The following ADSS2 variants were observed in gnomAD, a reference collection of about 807,000 sequenced individuals.
ADSS2 encodes adenylosuccinate synthase 2.
A neutral mutation model predicts 60.0 loss-of-function variants in ADSS2; 30 were observed. The ratio of observed to expected loss-of-function variants is 0.50; its 90% confidence interval spans 0.37 to 0.68. ADSS2 has a LOEUF of 0.68. Among genes scored for constraint, ADSS2 ranks in the 30% least tolerant of loss-of-function variants. ADSS2 has a pLI of 0.00. For synonymous variants in ADSS2, 187 were observed against 193.1 expected (o/e 0.97, Z 0.26); for missense variants, 373 against 554.8 (o/e 0.67, Z 3.29).
intron 4 of ADSS2, among the ~76,000 whole-genome samples, chr1:244,429,468 C>A (rs993925750): frequency 6.6e-6 from 1 of 152,130 alleles, no homozygotes; most frequent in Non-Finnish European, 1.5e-5. Context: ...ATGGTGACAG[C>A]GGGAGTCTCT....
At chr1:244,431,413 G>A (rs896768802) in intron 4 of ADSS2, among the ~76,000 whole-genome samples, 1 of 151,888 alleles carries the variant, frequency 6.6e-6, no homozygotes, top group African/African-American at 2.4e-5. Flanking sequence ...CTGGAAATAA[G>A]GTGTCTTTTA....
In ADSS2 at chr1:244,432,532, AT is replaced by A; in HGVS notation, c.406+12del. The A allele has an allele frequency of 1.3e-6, 2 of 1,541,708 alleles. No homozygotes were observed. On this transcript the variant is annotated intron_variant, in intron 4 of 12. Coordinates refer to ENST00000366535, the MANE Select transcript of ADSS2 (RefSeq NM_001126.5). The stretch of plus-strand genomic sequence containing the variant: ...AAAGATAGTTACAAATAAATGCAAT[AT>A]ATCCACCTTACCAATATGAGCTCTG...
At chr1:244,431,235 A>T (rs1664936916) in intron 4 of ADSS2, among the ~76,000 whole-genome samples, 1 of 152,250 alleles carries the variant, frequency 6.6e-6, no homozygotes, top group Non-Finnish European at 1.5e-5. Context: ...AAATATTTTT[A>T]AAATCAGAAG....
rs1008246741 is a variant in ADSS2, at chr1:244,450,710, T to C, written c.183+925A>G. Among the ~76,000 whole-genome samples the C allele has an allele frequency of 5.9e-5, 9 of 152,294 alleles. No individual in the cohort carries two copies. The South Asian group carries it at 1.5e-3, about 25-fold the overall frequency. On this transcript the variant is annotated intron_variant, in intron 1 of 12. Transcript: ENST00000366535. Reference sequence around the variant, plus strand: ...AACTGGAGAGAGTTATCTGAGAGCCTTTACAAAGGCCTTACCCTGTATGCT... The same window carrying C: ...AACTGGAGAGAGTTATCTGAGAGCCCTTACAAAGGCCTTACCCTGTATGCT...
Position 244,451,863 on chromosome 1 carries a change from G to T in ADSS2, c.-46C>A. ...AGCCCGAAGGAGAGGCGGCCGGCGA[G>T]GAGTGAGCGAACTGAACTGCTCTGC... On this transcript the variant is annotated 5_prime_UTR_variant, in exon 1 of 13. Coordinates refer to ENST00000366535, the MANE Select transcript of ADSS2 (RefSeq NM_001126.5). The surrounding 1 kb of genome is among the most constrained non-coding windows in gnomAD (Gnocchi z 6.6). The T allele has an allele frequency of 6.7e-7, 1 of 1,500,952 alleles. No individual in the cohort carries two copies. The highest frequency in any genetic ancestry group is 8.9e-7 in the Non-Finnish European group (1 of 1,126,744). 93.0% of individuals were successfully genotyped at this position (1,500,952 alleles called of 1,614,324 possible).
intron 1 of ADSS2, among the ~76,000 whole-genome samples, chr1:244,445,700 G>C (rs996209595): frequency 2.6e-5 from 4 of 151,766 alleles, no homozygotes; most frequent in Non-Finnish European, 5.9e-5. Context: ...TTACAAAAGT[G>C]ACTCTTGATT....
chr1:244,424,575 T>C (rs1572135058), intron 4 of ADSS2, 188 bp from the exon 5 acceptor site: 1 of 502,562 alleles, frequency 2.0e-6, no homozygotes, highest in East Asian at 3.1e-5. Context: ...AAATGTCTGA[T>C]CTTTCGTTCT....
At chr1:244,411,556 T>G in intron 11 of ADSS2, 120 bp from the exon 12 acceptor site, 1 of 1,023,506 alleles carries the variant, frequency 9.8e-7, no homozygotes, top group South Asian at 1.7e-5. Flanking sequence ...TGTTTTGGGA[T>G]TTAGAATTCT....
chr1:244,441,261 T>A (rs1159288292), intron 1 of ADSS2, among the ~76,000 whole-genome samples: 3 of 152,100 alleles, frequency 2.0e-5, no homozygotes. Flanking sequence ...GGTTTCACCA[T>A]GTTAGCCAGG....
intron 1 of ADSS2, among the ~76,000 whole-genome samples, chr1:244,441,265 A>G (rs371044727): frequency 1.7e-4 from 26 of 152,082 alleles, no homozygotes; most frequent in East Asian, 7.8e-4. Flanking sequence ...TCACCATGTT[A>G]GCCAGGATGG....
At chr1:244,422,146 A>C (rs546234563) in intron 7 of ADSS2, among the ~76,000 whole-genome samples, 1 of 152,310 alleles carries the variant, frequency 6.6e-6, no homozygotes, top group East Asian at 1.9e-4. Flanking sequence ...GTCTGCATTT[A>C]TTCTAGAATG....
chr1:244,416,697 C>T (rs1249788424), intron 10 of ADSS2, among the ~76,000 whole-genome samples: 1 of 152,128 alleles, frequency 6.6e-6, no homozygotes, highest in East Asian at 1.9e-4. Context: ...GCACTGTGGC[C>T]GTGGAACACA....
chr1:244,437,385 A>T (rs1665132154), intron 2 of ADSS2, among the ~76,000 whole-genome samples: 1 of 152,190 alleles, frequency 6.6e-6, no homozygotes, highest in Non-Finnish European at 1.5e-5. Flanking sequence ...AAGTATTTGG[A>T]AAACTGATTC....
intron 3 of ADSS2, among the ~76,000 whole-genome samples, chr1:244,434,095 C>T (rs2148005861): frequency 6.6e-6 from 1 of 150,768 alleles, no homozygotes; most frequent in East Asian, 2.0e-4. Context: ...ATAATCCTAG[C>T]ACTTTGGGTG....
At chr1:244,446,050 G>A (rs971282483) in intron 1 of ADSS2, among the ~76,000 whole-genome samples, 1 of 152,182 alleles carries the variant, frequency 6.6e-6, no homozygotes, top group Admixed American at 6.5e-5. Flanking sequence ...GAGCAGCAGT[G>A]TCTCAGATCC....
At chr1:244,448,631 T>C (rs1308527268) in intron 1 of ADSS2, among the ~76,000 whole-genome samples, 4 of 152,188 alleles carry the variant, frequency 2.6e-5, no homozygotes, top group African/African-American at 9.7e-5. Context: ...ACTACTATAG[T>C]TAAGAAGTTT....
At chr1:244,440,736 T>C (rs1208972348) in intron 1 of ADSS2, among the ~76,000 whole-genome samples, 1 of 152,204 alleles carries the variant, frequency 6.6e-6, no homozygotes, top group Non-Finnish European at 1.5e-5. Context: ...ATATATACTG[T>C]TTTATTTTAC....
intron 5 of ADSS2, 111 bp from the exon 6 acceptor site, chr1:244,424,171 T>C (rs1202652686): frequency 8.4e-7 from 1 of 1,192,294 alleles, no homozygotes; most frequent in African/African-American, 1.6e-5. Flanking sequence ...TTTATGTTAT[T>C]TCTTGCTAAG....
intron 4 of ADSS2, among the ~76,000 whole-genome samples, chr1:244,429,647 G>A (rs1664886850): frequency 6.6e-6 from 1 of 152,104 alleles, no homozygotes; most frequent in African/African-American, 2.4e-5. Flanking sequence ...TGGGAGGCCA[G>A]GTCAGGTGGA....
Sources: gnomAD v4.1 joint callset for allele counts (sites outside exome capture counted in the v4.1 genomes callset) on GRCh38, gnomAD v4.1.1 for gene constraint, Gnocchi (gnomAD v3.1) non-coding constraint, MANE v1.5 for transcripts, NCBI Gene and HGNC (gene_info 2026-07-23, HGNC 2026-07-21) for gene names.